Variants in SLC22A2 observed in about 807,000 individuals in gnomAD.
The protein encoded by SLC22A2 is solute carrier family 22 member 2.
In SLC22A2, 46 loss-of-function variants were observed where a neutral mutation model predicts 60.5. The ratio of observed to expected loss-of-function variants is 0.76; its 90% CI spans 0.60 to 0.97. The LOEUF (loss-of-function observed/expected upper bound fraction) is 0.97, where lower values mean the gene tolerates loss of function less well. SLC22A2 is among the 50% of genes least tolerant of loss of function. SLC22A2 has a pLI of 0.00. For missense variants in SLC22A2, 701 were observed against 706.6 expected, an observed-to-expected ratio of 0.99 and a Z score of 0.09; for synonymous variants, 303 against 267.0, an observed-to-expected ratio of 1.13 and a Z score of -1.31.
intron 2 of SLC22A2, among the ~76,000 whole-genome samples, chr6:160,252,909 G>A (rs1174828042): frequency 6.6e-6 from 1 of 152,206 alleles, no homozygotes; most frequent in African/African-American, 2.4e-5. Flanking sequence ...TATAACAAAT[G>A]AGGATGCCCA....
rs546167779 is a variant in SLC22A2, at chr6:160,257,519, G to A, written c.415-802C>T. Among the ~76,000 whole-genome samples the A allele has an allele frequency of 6.6e-5, 10 of 152,142 alleles. No homozygotes were observed. In the South Asian group the frequency reaches 1.7e-3, roughly 25 times the overall value. The stretch of plus-strand genomic sequence containing the variant: ...GAGATTGGCCATGTGAGAGAGCCTC[G>A]GAGAGTTTGTGGTGTGAAGCCCATG... On this transcript the variant is annotated intron_variant, in intron 1 of 10. Transcript: ENST00000366953.
rs766326926 is a variant in SLC22A2, at chr6:160,247,276, A to G, written c.865T>C (p.Trp289Arg). Reference protein sequence around the residue: ...YYWCIPESPRWLISQNKNAEA... With the variant: ...YYWCIPESPRRLISQNKNAEA... ...GCATTCTTATTCTGGGAGATCAGCCACCTGGGAGACTCAGGTATGCACCTA... is the reference window on the plus strand; with the variant it reads ...GCATTCTTATTCTGGGAGATCAGCCGCCTGGGAGACTCAGGTATGCACCTA... Residue 289 changes from tryptophan to arginine, a missense_variant, in exon 5 of 11, where the codon TGG (tryptophan) becomes CGG (arginine). Coordinates refer to ENST00000366953, the MANE Select transcript of SLC22A2 (RefSeq NM_003058.4). The G allele has an allele frequency of 3.1e-6, 5 of 1,610,320 alleles. No individual in the cohort carries two copies. The highest frequency in any genetic ancestry group is 2.5e-6 in the Non-Finnish European group (3 of 1,176,646).
intron 10 of SLC22A2, among the ~76,000 whole-genome samples, chr6:160,220,968 C>T (rs1169540907): frequency 6.6e-6 from 1 of 152,326 alleles, no homozygotes; most frequent in East Asian, 1.9e-4. Flanking sequence ...ACACTGGCTT[C>T]ACCTTCTAGT....
At position 160,253,135 on chromosome 6, in the gene SLC22A2, A is replaced by C. The variant is rs937240870; in HGVS notation, c.519-2433T>G. Among the ~76,000 whole-genome samples, 5 of 152,358 alleles carry C rather than the reference A, an allele frequency of 3.3e-5. No individual in the cohort carries two copies. In the East Asian group the frequency reaches 9.6e-4, roughly 29 times the overall value. ...TGTTGTTAAATAGCCATTTTTATTG[A>C]AGCTGCAATGTATAGCAGCAGCACC... On this transcript the variant is annotated intron_variant, in intron 2 of 10. Coordinates refer to ENST00000366953, the MANE Select transcript of SLC22A2 (RefSeq NM_003058.4).
intron 5 of SLC22A2, 71 bp from the exon 6 acceptor site, chr6:160,245,616 CA>C (rs1783080721): frequency 2.4e-6 from 2 of 833,264 alleles, no homozygotes; most frequent in Non-Finnish European, 3.6e-6. Context: ...TAGGGAATAA[CA>C]ATAATTTCTT....
rs1376140914 is a variant in SLC22A2, at chr6:160,224,686, A to G, written c.1601+19T>C. 1 of 1,533,824 alleles carries G rather than the reference A, an allele frequency of 6.5e-7. No homozygotes were observed. The highest frequency in any genetic ancestry group is 9.0e-7 in the Non-Finnish European group (1 of 1,117,290). ...AAAACCTTTATAGAACAATTCATTT[A>G]GAACTTTCAACTGCCTACCTTTGCA... On this transcript the variant is annotated intron_variant, in intron 10 of 10. Coordinates refer to ENST00000366953, the MANE Select transcript of SLC22A2 (RefSeq NM_003058.4).
At chr6:160,223,036 C>A (rs1782668245) in intron 10 of SLC22A2, among the ~76,000 whole-genome samples, 2 of 152,170 alleles carry the variant, frequency 1.3e-5, no homozygotes, top group African/African-American at 4.8e-5. Flanking sequence ...AGCCTCAGAC[C>A]ACTGTGATTT....
chr6:160,224,800 C>T lies in SLC22A2; in HGVS notation c.1506G>A (p.Val502=), dbSNP rs316003. Residue 502 remains valine, a synonymous_variant, in exon 10 of 11, where the codon GTG becomes GTA. Transcript: ENST00000366953. ...CCAGACCTCCAGCAACCAAGCCAAG[C>T]ACGCCTGAAAGCCAAACAGATGAAT... The part of the protein sequence containing the change: ...WLELPLMVFG[V]LGLVAGGLVL... The T allele has an allele frequency of 0.76, 1,195,851 of 1,572,278 alleles. 459,886 individuals carry two copies. Among genetic ancestry groups the T allele is most frequent in the Admixed American group, 0.86 (49,360 of 57,418 alleles).
rs902272857 is a variant in SLC22A2, at chr6:160,258,789, C to T, written c.-32G>A. On this transcript the variant is annotated 5_prime_UTR_variant, in exon 1 of 11. Coordinates refer to ENST00000366953, the MANE Select transcript of SLC22A2 (RefSeq NM_003058.4). ...GCAGGCAGGAGGGCCCGAGGCTGCC[C>T]GACGTGCCCGGAGCGAGGCTGAGAG... 1 of 1,511,094 alleles carries T rather than the reference C, an allele frequency of 6.6e-7. No individual in the cohort carries two copies. The allele number at this position is 1,511,094 out of a possible 1,614,324, so 93.6% of individuals were successfully genotyped here.
intron 10 of SLC22A2, among the ~76,000 whole-genome samples, chr6:160,219,704 T>C (rs1476855165): frequency 6.6e-6 from 1 of 151,936 alleles, no homozygotes; most frequent in Non-Finnish European, 1.5e-5. Flanking sequence ...ACCTCAGAGA[T>C]ATTGGGGATT....
In SLC22A2 at chr6:160,247,216, T is replaced by C. The variant is rs1263403455; in HGVS notation, c.925A>G (p.Lys309Glu). ...GAGGCGGGTAGAGATTTTCCATTTT[T>C]CTTTGCGATGTGCTTAATGATTCTC... The part of the protein sequence containing the change: ...AMRIIKHIAK[K>E]NGKSLPASLQ... The change falls in exon 5 of 11, where the codon AAA becomes GAA. Residue 309 changes from lysine to glutamate, a missense_variant. Coordinates refer to ENST00000366953, the MANE Select transcript of SLC22A2 (RefSeq NM_003058.4). 1 of 1,612,920 alleles carries C rather than the reference T, an allele frequency of 6.2e-7. No individual in the cohort carries two copies. The highest frequency in any genetic ancestry group is 1.3e-5 in the African/African-American group (1 of 74,898).
In SLC22A2 at chr6:160,249,387, G is replaced by A. The variant is rs754402845; in HGVS notation, c.674-3C>T. On this transcript the variant is annotated splice_polypyrimidine_tract_variant and splice_region_variant and intron_variant, in intron 3 of 10. Transcript: ENST00000366953. ...TCTCCGCCCAACAAATTCTGTAACT[G>A]CAGAGAGAATTTGAATGGTTAATGC... 2 of 1,611,770 alleles carry A rather than the reference G, an allele frequency of 1.2e-6. No homozygotes were observed. Among genetic ancestry groups the A allele is most frequent in the South Asian group, 2.2e-5 (2 of 90,752 alleles).
chr6:160,248,365 T>C (rs1167370475), intron 4 of SLC22A2, among the ~76,000 whole-genome samples: 3 of 152,206 alleles, frequency 2.0e-5, no homozygotes, highest in Admixed American at 6.5e-5. Flanking sequence ...TCCAGAACTA[T>C]GGGAAATATG....
chr6:160,230,660 A>T (rs1376454349), intron 9 of SLC22A2, among the ~76,000 whole-genome samples: 2 of 151,994 alleles, frequency 1.3e-5, no homozygotes, highest in African/African-American at 2.4e-5. Context: ...CCTTGCCTCC[A>T]CTGTGAGACA....
Position 160,258,271 on chromosome 6 carries a change from CT to C in SLC22A2, c.414+72del, listed in dbSNP as rs1237217866. 2.7e-6 allele frequency: 4 copies of C among 1,500,606 alleles called. No homozygotes were observed. The African/African-American group carries it at 5.5e-5, about 21-fold the overall frequency. The allele number at this position is 1,500,606 out of a possible 1,614,324, so 93.0% of individuals were successfully genotyped here. On this transcript the variant is annotated intron_variant, in intron 1 of 10. Coordinates refer to ENST00000366953, the MANE Select transcript of SLC22A2 (RefSeq NM_003058.4). ...CAGGCAGGGTTTATAAGAGCCGGGC[CT>C]TCCCTGCTTGCTTCCTTGAGAAAAT...
In SLC22A2 at chr6:160,243,633, A is replaced by G; in HGVS notation, c.1218T>C (p.Pro406=). Residue 406 remains proline (P), a synonymous_variant, in exon 7 of 11, where the codon CCT becomes CCC. Transcript: ENST00000366953. ...CTGCAACCATATTTGATGCAGCCCAAGGGTAACGGCGTCCGATGCGGTCGA... is the reference window on the plus strand; with the variant it reads ...CTGCAACCATATTTGATGCAGCCCAGGGGTAACGGCGTCCGATGCGGTCGA... ...LTIDRIGRRY[P]WAASNMVAGA... 6.2e-7 allele frequency: 1 copy of G among 1,614,104 alleles called. No homozygotes were observed. Among genetic ancestry groups the G allele is most frequent in the Non-Finnish European group, 8.5e-7 (1 of 1,179,974 alleles).
At chr6:160,239,721 G>C (rs1271701549) in intron 9 of SLC22A2, among the ~76,000 whole-genome samples, 1 of 152,198 alleles carries the variant, frequency 6.6e-6, no homozygotes, top group Non-Finnish European at 1.5e-5. Context: ...GAAAGAAATA[G>C]GGGTCACATA....
At chr6:160,217,541 G>A in intron 10 of SLC22A2, 43 bp from the exon 11 acceptor site, 2 of 1,127,348 alleles carry the variant, frequency 1.8e-6, no homozygotes, top group Non-Finnish European at 1.3e-6. Context: ...AAGAAATTAT[G>A]AGGAGGCTGA....
intron 9 of SLC22A2, among the ~76,000 whole-genome samples, chr6:160,237,833 C>A (rs1255313722): frequency 6.6e-6 from 1 of 152,156 alleles, no homozygotes; most frequent in African/African-American, 2.4e-5. Context: ...ATCAAACAGG[C>A]TGCAATAAAG....
Sources: gnomAD v4.1 joint callset for allele counts (sites outside exome capture counted in the v4.1 genomes callset) on GRCh38, gnomAD v4.1.1 for gene constraint, MANE v1.5 for transcripts, NCBI Gene and HGNC (gene_info 2026-07-23, HGNC 2026-07-21) for gene names.